RAB29: variants seen among roughly 807,000 people sequenced by gnomAD.
RAB29 encodes RAB29, member RAS oncogene family.
RAB29 carries 13 observed loss-of-function variants against 25.5 expected under a neutral mutation model. The ratio of observed to expected loss-of-function variants is 0.51; its 90% CI spans 0.33 to 0.81. The LOEUF is 0.81. Among genes scored for constraint, RAB29 ranks in the 30% least tolerant of loss-of-function variants. RAB29 has a pLI of 0.02. For synonymous variants in RAB29, 88 were observed against 95.0 expected, an observed-to-expected ratio of 0.93 and a Z score of 0.43; for missense variants, 201 against 254.9, an observed-to-expected ratio of 0.79 and a Z score of 1.44.
intron 3 of RAB29, 60 bp from the exon 4 acceptor site, chr1:205,771,713 G>T: frequency 6.6e-7 from 1 of 1,504,134 alleles, no homozygotes; most frequent in Non-Finnish European, 9.3e-7. Context: ...CCCATTCCTT[G>T]TAGAAGAGGG....
chr1:205,773,022 C>T (rs1240015203), intron 2 of RAB29, among the ~76,000 whole-genome samples: 1 of 152,148 alleles, frequency 6.6e-6, no homozygotes, highest in African/African-American at 2.4e-5. Context: ...AAAGAACACA[C>T]CCTGGGGAAC....
rs1333130852 is a variant in RAB29 at position 205,772,480 on chromosome 1, A to G, written c.196+16T>C. 2 of 1,610,870 alleles carry G rather than the reference A, an allele frequency of 1.2e-6. No individual in the cohort carries two copies. Among genetic ancestry groups the G allele is most frequent in the Admixed American group, 3.3e-5 (2 of 59,922 alleles). Reference sequence around the variant, plus strand: ...AAAATTTCTTCCCTTGTTCCTATCTAGCCCTCCCACTTTACCTGCAATATC... The same window carrying G: ...AAAATTTCTTCCCTTGTTCCTATCTGGCCCTCCCACTTTACCTGCAATATC... On this transcript the variant is annotated intron_variant, in intron 3 of 5. Coordinates refer to ENST00000367139, the MANE Select transcript of RAB29 (RefSeq NM_003929.3).
intron 3 of RAB29, among the ~76,000 whole-genome samples, chr1:205,771,923 T>C (rs1325507746): frequency 6.6e-6 from 1 of 150,514 alleles, no homozygotes; most frequent in Non-Finnish European, 1.5e-5. Flanking sequence ...TTCTCATTTG[T>C]AAAGTGAAGA....
rs138623470 is a variant in RAB29, at chr1:205,773,434, T to G, written c.125-867A>C. 4.9e-3 allele frequency among the ~76,000 whole-genome samples: 746 copies of G among 152,256 alleles called. 9 individuals are homozygous for G. Among genetic ancestry groups the G allele is most frequent in the African/African-American group, 0.017 (703 of 41,542 alleles). The stretch of plus-strand genomic sequence containing the variant: ...CCCAAATCCGTGAAATAGGGACCCT[T>G]ATATTATTTAGGAGTGGGAGGGCAG... On this transcript the variant is annotated intron_variant, in intron 2 of 5. Coordinates refer to ENST00000367139, the MANE Select transcript of RAB29 (RefSeq NM_003929.3).
Position 205,768,187 on chromosome 1 carries a change from T to C in RAB29, c.*2155A>G, listed in dbSNP as rs1419289540. ...CAGAAGACTGTGCAAGTTAAAATAA[T>C]TGGCATTAAAACGACACACAACAAA... On this transcript the variant is annotated 3_prime_UTR_variant, in exon 6 of 6. Transcript: ENST00000367139. 2 of 152,184 alleles carry C rather than the reference T, an allele frequency of 1.3e-5. No individual in the cohort carries two copies. Among genetic ancestry groups the C allele is most frequent in the African/African-American group, 4.8e-5 (2 of 41,450 alleles). The allele number at this position is 152,184 out of a possible 1,614,324, so 9.4% of individuals were successfully genotyped here.
At chr1:205,774,795 T>TGCC in intron 2 of RAB29, 38 bp downstream of exon 2, 5 of 860,518 alleles carry the variant, frequency 5.8e-6, no homozygotes, top group Non-Finnish European at 9.2e-6. Flanking sequence ...CGGGGCCTCC[T>TGCC]CCTCCCCCTC....
chr1:205,772,683 G>T, intron 2 of RAB29, 116 bp from the exon 3 acceptor site: 1 of 954,460 alleles, frequency 1.0e-6, no homozygotes, highest in Non-Finnish European at 1.7e-6. Flanking sequence ...AATCCCATAT[G>T]TTTAACTTTA....
At chr1:205,771,448 C>T in intron 4 of RAB29, 24 bp downstream of exon 4, 2 of 1,611,268 alleles carry the variant, frequency 1.2e-6, no homozygotes, top group East Asian at 4.5e-5. Context: ...GGCTAGGGAC[C>T]ATTTTCTGAG....
intron 5 of RAB29, 112 bp from the exon 6 acceptor site, chr1:205,770,565 G>A: frequency 7.2e-7 from 1 of 1,391,042 alleles, no homozygotes; most frequent in Non-Finnish European, 1.0e-6. Flanking sequence ...AGGTTTAAAT[G>A]CCCCTTTGTC....
intron 5 of RAB29, 114 bp from the exon 6 acceptor site, chr1:205,770,567 C>T (rs2102470580): frequency 7.2e-7 from 1 of 1,389,166 alleles, no homozygotes; most frequent in Non-Finnish European, 1.0e-6. Flanking sequence ...GTTTAAATGC[C>T]CCTTTGTCCC....
intron 3 of RAB29, 126 bp from the exon 4 acceptor site, chr1:205,771,779 T>C (rs1655038884): frequency 1.0e-6 from 1 of 961,416 alleles, no homozygotes; most frequent in Non-Finnish European, 1.6e-6. Context: ...ACTCTTGGTT[T>C]TCTATCCCAT....
intron 2 of RAB29, 36 bp downstream of exon 2, chr1:205,774,797 C>CG: frequency 3.6e-5 from 49 of 1,342,480 alleles, no homozygotes; most frequent in Non-Finnish European, 5.0e-5. Flanking sequence ...GGGCCTCCTC[C>CG]TCCCCCTCCC....
At chr1:205,774,734 A>G in intron 2 of RAB29, 99 bp downstream of exon 2, 1 of 1,319,060 alleles carries the variant, frequency 7.6e-7, no homozygotes, top group South Asian at 1.3e-5. Flanking sequence ...AGGACCCAAC[A>G]ACCGACAGCA....
At position 205,770,458 on chromosome 1, in the gene RAB29, A is replaced by G. The variant is rs1654929605; in HGVS notation, c.501-5T>C. 6.2e-7 allele frequency: 1 copy of G among 1,611,598 alleles called. No individual in the cohort carries two copies. The highest frequency in any genetic ancestry group is 2.2e-5 in the East Asian group (1 of 44,870). ...ATCATCTTTTCAATGAGGACTCTAA[A>G]AGACAAAAAATAAGCCTGAGAAGCT... is the stretch of plus-strand genomic sequence containing the variant. On this transcript the variant is annotated splice_polypyrimidine_tract_variant and splice_region_variant and intron_variant, in intron 5 of 5. Transcript: ENST00000367139.
rs150146125 is a variant in RAB29 at position 205,771,646 on chromosome 1, C to T, written c.204G>A (p.Glu68=). The change falls in exon 4 of 6, where the codon GAG becomes GAA. Residue 68 remains glutamate, a synonymous_variant. Transcript: ENST00000367139. Reference sequence around the variant, plus strand: ...ACAATCGTGTCATAGAGGTGAAGCGCTCCTGCCCTGGGGAGAAAGGGGAGA... The same window carrying T: ...ACAATCGTGTCATAGAGGTGAAGCGTTCCTGCCCTGGGGAGAAAGGGGAGA... ...RLQLWDIAGQ[E]RFTSMTRLYY... 14 of 1,614,056 alleles carry T rather than the reference C, an allele frequency of 8.7e-6. No individual in the cohort carries two copies. Among genetic ancestry groups the T allele is most frequent in the African/African-American group, 1.3e-5 (1 of 75,040 alleles).
chr1:205,774,800 C>G, intron 2 of RAB29, 33 bp downstream of exon 2: 2 of 1,315,800 alleles, frequency 1.5e-6, no homozygotes. Flanking sequence ...CCTCCTCCTC[C>G]CCCTCCCCCT....
At chr1:205,771,788 A>G (rs1655039625) in intron 3 of RAB29, 135 bp from the exon 4 acceptor site, 1 of 886,086 alleles carries the variant, frequency 1.1e-6, no homozygotes, top group Admixed American at 2.0e-5. Context: ...TTTCTATCCC[A>G]TAAAGGGATA....
chr1:205,772,426 T>G (rs1655076307), intron 3 of RAB29, 70 bp downstream of exon 3: 2 of 1,506,508 alleles, frequency 1.3e-6, no homozygotes, highest in Admixed American at 1.7e-5. Context: ...TGCTGCCCCA[T>G]TTTTTCCTCA....
At position 205,768,890 on chromosome 1, in the gene RAB29, T is replaced by C. The variant is rs909103102; in HGVS notation, c.*1452A>G. Reference sequence around the variant, plus strand: ...AAAATTTTAACAAACTTCCCAGGTATTCCCGACCAGCCAGATTTGGGAACC... The same window carrying C: ...AAAATTTTAACAAACTTCCCAGGTACTCCCGACCAGCCAGATTTGGGAACC... On this transcript the variant is annotated 3_prime_UTR_variant, in exon 6 of 6. Transcript: ENST00000367139. The C allele has an allele frequency of 6.6e-6, 1 of 152,158 alleles. No homozygotes were observed. Among genetic ancestry groups the C allele is most frequent in the African/African-American group, 2.4e-5 (1 of 41,436 alleles). The allele number at this position is 152,158 out of a possible 1,614,324, so 9.4% of individuals were successfully genotyped here.
Sources: gnomAD v4.1 joint callset for allele counts (sites outside exome capture counted in the v4.1 genomes callset) on GRCh38, gnomAD v4.1.1 for gene constraint, MANE v1.5 for transcripts, NCBI Gene and HGNC (gene_info 2026-07-23, HGNC 2026-07-21) for gene names.